The following STAU2 variants were observed in gnomAD, a reference collection of about 807,000 sequenced individuals.
STAU2 encodes staufen double-stranded RNA binding protein 2.
Under a neutral mutation model 65.9 loss-of-function variants are expected in STAU2, and 20 were observed. That is an observed-to-expected ratio of 0.30 (90% CI 0.21 to 0.44). The LOEUF (loss-of-function observed/expected upper bound fraction) is 0.44, where lower values mean the gene tolerates loss of function less well. STAU2 is among the 20% of genes least tolerant of loss of function. STAU2 has a pLI of 1.00. For missense variants in STAU2, 558 were observed against 683.9 expected, an observed-to-expected ratio of 0.82 and a Z score of 2.05; for synonymous variants, 232 against 233.9, an observed-to-expected ratio of 0.99 and a Z score of 0.07.
At chr8:73,437,580 T>C (rs1817800865) in intron 13 of STAU2, among the ~76,000 whole-genome samples, 1 of 152,204 alleles carries the variant, frequency 6.6e-6, no homozygotes, top group Admixed American at 6.5e-5. Context: ...CACACATTGC[T>C]GTTGGTTTAA....
intron 13 of STAU2, among the ~76,000 whole-genome samples, chr8:73,525,500 T>TAGGAACTTGGCAC (rs1328234844): frequency 1.3e-5 from 2 of 152,180 alleles, no homozygotes; most frequent in Non-Finnish European, 2.9e-5. Context: ...TACCTTGGCA[T>TAGGAACTTGGCAC]AGGAACTTGG....
chr8:73,653,650 G>A, intron 6 of STAU2: 1 of 181,130 alleles, frequency 5.5e-6, no homozygotes, highest in Non-Finnish European at 1.1e-5. Context: ...AAACAGTGCG[G>A]TTCAAGCTCT....
chr8:73,558,723 C>A (rs62510314), intron 12 of STAU2, among the ~76,000 whole-genome samples: 1 of 152,096 alleles, frequency 6.6e-6, no homozygotes, highest in African/African-American at 2.4e-5. Flanking sequence ...TGCCACTCCA[C>A]TGGAACTCCC....
intron 3 of STAU2, among the ~76,000 whole-genome samples, chr8:73,736,878 T>C (rs1045715923): frequency 6.6e-6 from 1 of 152,176 alleles, no homozygotes; most frequent in African/African-American, 2.4e-5. Flanking sequence ...ATTACTTTCT[T>C]TTTTTGGAAC....
chr8:73,527,636 C>T (rs1327996632), intron 13 of STAU2: 3 of 1,350,992 alleles, frequency 2.2e-6, no homozygotes, highest in Non-Finnish European at 3.1e-6. Context: ...ATTTTGATGG[C>T]CTTCCATTTC....
chr8:73,423,060 C>A (rs535122032), intron 13 of STAU2, among the ~76,000 whole-genome samples: 1 of 152,206 alleles, frequency 6.6e-6, no homozygotes, highest in African/African-American at 2.4e-5. Context: ...GGTGTGACAT[C>A]CAAATTTTCC....
intron 4 of STAU2, among the ~76,000 whole-genome samples, chr8:73,692,836 GA>G (rs1173810680): frequency 6.6e-6 from 1 of 152,064 alleles, no homozygotes; most frequent in South Asian, 2.1e-4. Context: ...CGCTGGCGTG[GA>G]AAAAAACCCC....
intron 6 of STAU2, among the ~76,000 whole-genome samples, chr8:73,642,384 G>A (rs894135135): frequency 6.6e-6 from 1 of 152,094 alleles, no homozygotes; most frequent in Non-Finnish European, 1.5e-5. Flanking sequence ...TTAGCTGGGC[G>A]TGGTGGCATG....
At chr8:73,577,705 C>CA (rs1809682194) in intron 12 of STAU2, among the ~76,000 whole-genome samples, 1 of 152,084 alleles carries the variant, frequency 6.6e-6, no homozygotes, top group Non-Finnish European at 1.5e-5. Flanking sequence ...CCATCAGCAG[C>CA]ATGTGACAGT....
At chr8:73,466,585 C>T (rs992837940) in intron 13 of STAU2, among the ~76,000 whole-genome samples, 2 of 152,164 alleles carry the variant, frequency 1.3e-5, no homozygotes, top group African/African-American at 4.8e-5. Context: ...TCTCACCATC[C>T]TTCCTTAAAG....
In STAU2 at chr8:73,578,656, C is replaced by T. The variant is rs568711640; in HGVS notation, c.1222+4114G>A. 9.9e-5 allele frequency among the ~76,000 whole-genome samples: 15 copies of T among 152,256 alleles called. No individual in the cohort carries two copies. The South Asian group carries it at 2.9e-3, about 29-fold the overall frequency. On this transcript the variant is annotated intron_variant, in intron 12 of 14. Transcript: ENST00000524300. ...TATTTACGGGACCTTTGTTTGAAAA[C>T]AACCAGATATTCAGGGACTGGGCTG...
rs773482994 is a variant in STAU2, at chr8:73,617,274, C to T, written c.570+18G>A. On this transcript the variant is annotated intron_variant, in intron 7 of 14. Coordinates refer to ENST00000524300, the MANE Select transcript of STAU2 (RefSeq NM_001164380.2). ...GGAAAGTAGAAAGAACAGACTGTCA[C>T]ATGCAGCAGCACCACACCTGAGGAG... 9 of 1,610,352 alleles carry T rather than the reference C, an allele frequency of 5.6e-6. No individual in the cohort carries two copies. The highest frequency in any genetic ancestry group is 3.4e-5 in the Admixed American group (2 of 59,290).
At chr8:73,675,918 T>C (rs1159644605) in intron 5 of STAU2, among the ~76,000 whole-genome samples, 1 of 152,106 alleles carries the variant, frequency 6.6e-6, no homozygotes, top group African/African-American at 2.4e-5. Context: ...GAAATATACA[T>C]TGAAATATTA....
intron 13 of STAU2, among the ~76,000 whole-genome samples, chr8:73,424,201 CTTTTTTTTTTT>C (rs59063960): frequency 8.7e-6 from 1 of 115,310 alleles, no homozygotes; most frequent in African/African-American, 3.5e-5. Context: ...TCCTCTATGT[CTTTTTTTTTTT>C]TTTTTTTTGA....
chr8:73,610,744 T>C lies in STAU2; in HGVS notation c.891+3000A>G, dbSNP rs1398924576. On this transcript the variant is annotated intron_variant, in intron 9 of 14. Transcript: ENST00000524300. Reference sequence around the variant, plus strand: ...TAAGATTAGAAAGCCTTCTTTGTAGTCTCGTCTTATAGAGGAGAATTACAT... The same window carrying C: ...TAAGATTAGAAAGCCTTCTTTGTAGCCTCGTCTTATAGAGGAGAATTACAT... 2.0e-5 allele frequency among the ~76,000 whole-genome samples: 3 copies of C among 152,302 alleles called. No homozygotes were observed. In the East Asian group the frequency reaches 5.8e-4, roughly 29 times the overall value.
chr8:73,693,301 A>G (rs967396258), intron 4 of STAU2, among the ~76,000 whole-genome samples: 3 of 152,026 alleles, frequency 2.0e-5, no homozygotes, highest in Non-Finnish European at 2.9e-5. Context: ...GTGAAACCCC[A>G]TCTCTACTAA....
chr8:73,662,227 C>A (rs985885636), intron 6 of STAU2, among the ~76,000 whole-genome samples: 1 of 152,092 alleles, frequency 6.6e-6, no homozygotes, highest in African/African-American at 2.4e-5. Context: ...TCCATTTTTG[C>A]CTTATTAATG....
chr8:73,574,554 C>T (rs1809364560), intron 12 of STAU2, among the ~76,000 whole-genome samples: 1 of 152,196 alleles, frequency 6.6e-6, no homozygotes, highest in South Asian at 2.1e-4. Flanking sequence ...GGCACATATA[C>T]ACCATGGAAT....
chr8:73,677,912 T>G (rs1460319908), intron 5 of STAU2, among the ~76,000 whole-genome samples: 2 of 152,184 alleles, frequency 1.3e-5, no homozygotes, highest in Non-Finnish European at 1.5e-5. Context: ...CTCTGACTCT[T>G]GCTGGTTTAC....
Sources: gnomAD v4.1 joint callset for allele counts (sites outside exome capture counted in the v4.1 genomes callset) on GRCh38, gnomAD v4.1.1 for gene constraint, MANE v1.5 for transcripts, NCBI Gene and HGNC (gene_info 2026-07-23, HGNC 2026-07-21) for gene names.